The following USP8 variants were observed in gnomAD, a reference collection of about 807,000 sequenced individuals.
USP8 encodes the protein ubiquitin specific peptidase 8.
A neutral mutation model predicts 130.0 loss-of-function variants in USP8; 27 were observed. That is an observed-to-expected ratio of 0.21 (90% CI 0.15 to 0.29). USP8 has a LOEUF of 0.29. USP8 is among the 10% of genes least tolerant of loss of function. The pLI, the probability that USP8 is intolerant of heterozygous loss-of-function variation, is 1.00. For missense variants in USP8, 1,029 were observed against 1,312.2 expected, an observed-to-expected ratio of 0.78 and a Z score of 3.33; for synonymous variants, 392 against 444.1, an observed-to-expected ratio of 0.88 and a Z score of 1.48.
intron 7 of USP8, chr15:50,466,594 CAAA>C (rs559413706): frequency 2.7e-4 from 21 of 76,606 alleles, no homozygotes; most frequent in South Asian, 1.7e-3. Context: ...GACTCTGTCT[CAAA>C]AAAAAAAAAA....
At chr15:50,459,847 T>A (rs754276123) in intron 5 of USP8, among the ~76,000 whole-genome samples, 4 of 152,110 alleles carry the variant, frequency 2.6e-5, no homozygotes, top group Non-Finnish European at 5.9e-5. Context: ...AGACAATTTT[T>A]AAGTTTCTTC....
At chr15:50,483,294 A>G (rs1429367245) in intron 11 of USP8, among the ~76,000 whole-genome samples, 3 of 152,238 alleles carry the variant, frequency 2.0e-5, no homozygotes, top group Admixed American at 2.0e-4. Context: ...TTTAGAACTT[A>G]AATCATTCAT....
chr15:50,429,615 C>G (rs1354432492), intron 1 of USP8, among the ~76,000 whole-genome samples: 1 of 152,088 alleles, frequency 6.6e-6, no homozygotes, highest in Non-Finnish European at 1.5e-5. Flanking sequence ...GCAGGAGGAT[C>G]ACTTGAGCCC....
Position 50,471,696 on chromosome 15 carries a change from G to A in USP8, c.750G>A (p.Arg250=). 2.5e-6 allele frequency: 4 copies of A among 1,614,012 alleles called. No homozygotes were observed. The highest frequency in any genetic ancestry group is 2.2e-5 in the South Asian group (2 of 91,060). The part of the protein sequence containing the change: ...PDDSKDTWKK[R]GNVEYVVLLD... ...ATTCTAAAGACACATGGAAGAAGAG[G>A]GGGAATGTGGAGTATGTGGTACTTC... is the stretch of plus-strand genomic sequence containing the variant. The change falls in exon 8 of 20, where the codon AGG becomes AGA. Residue 250 remains arginine (R), a synonymous_variant. Transcript: ENST00000307179.
rs900136768 is a variant in USP8, at chr15:50,505,579, A to G, written c.*6491A>G. The G allele has an allele frequency of 6.6e-5, 10 of 152,242 alleles. No individual in the cohort carries two copies. Among genetic ancestry groups the G allele is most frequent in the African/African-American group, 2.4e-4 (10 of 41,466 alleles). The allele number at this position is 152,242 out of a possible 1,614,324, so 9.4% of individuals were successfully genotyped here. The stretch of plus-strand genomic sequence containing the variant: ...GATACATAATAGACAGTGATTAACA[A>G]AAAAGACTGATGAAGATCCGGGCAA... On this transcript the variant is annotated 3_prime_UTR_variant, in exon 20 of 20. Coordinates refer to ENST00000307179, the MANE Select transcript of USP8 (RefSeq NM_005154.5).
At position 50,500,830 on chromosome 15, in the gene USP8, A is replaced by G. The variant is rs753369617; in HGVS notation, c.*1742A>G. The G allele has an allele frequency of 4.4e-6, 7 of 1,579,992 alleles. No homozygotes were observed. The highest frequency in any genetic ancestry group is 1.8e-5 in the Admixed American group (1 of 54,592). The stretch of plus-strand genomic sequence containing the variant: ...GTAGTGGCCACCATCCAAATCACCA[A>G]AATGGTTCTATGGGAGAAAGGAATG... On this transcript the variant is annotated 3_prime_UTR_variant, in exon 20 of 20. Coordinates refer to ENST00000307179, the MANE Select transcript of USP8 (RefSeq NM_005154.5).
chr15:50,484,429 C>A, intron 12 of USP8, 68 bp downstream of exon 12: 1 of 1,193,208 alleles, frequency 8.4e-7, no homozygotes, highest in Non-Finnish European at 1.2e-6. Flanking sequence ...ATGTGATTAT[C>A]TTACCACACT....
At chr15:50,428,155 T>A (rs1392603969) in intron 1 of USP8, among the ~76,000 whole-genome samples, 2 of 152,080 alleles carry the variant, frequency 1.3e-5, no homozygotes, top group African/African-American at 4.8e-5. Flanking sequence ...TCTTGCTCTG[T>A]CACCTAGGCT....
At chr15:50,435,346 A>C (rs904444929) in intron 1 of USP8, among the ~76,000 whole-genome samples, 3 of 152,334 alleles carry the variant, frequency 2.0e-5, no homozygotes, top group Non-Finnish European at 4.4e-5. Context: ...TTCCCTAACC[A>C]ATACAATGTA....
At position 50,490,321 on chromosome 15, in the gene USP8, A is replaced by G; in HGVS notation, c.2030A>G (p.His677Arg). 6.2e-7 allele frequency: 1 copy of G among 1,613,460 alleles called. No individual in the cohort carries two copies. Among genetic ancestry groups the G allele is most frequent in the Non-Finnish European group, 8.5e-7 (1 of 1,179,894 alleles). The change falls in exon 14 of 20, where the codon CAT (histidine) becomes CGT (arginine). Residue 677 changes from histidine (H) to arginine (R), a missense_variant. His to Arg is a conservative substitution (Grantham distance 29). Coordinates refer to ENST00000307179, the MANE Select transcript of USP8 (RefSeq NM_005154.5). ...TATCATTCACCCACCAACACTGTTCATATGTACCCACCGGAAATGGCTCCT... is the reference window on the plus strand; with the variant it reads ...TATCATTCACCCACCAACACTGTTCGTATGTACCCACCGGAAATGGCTCCT... Reference protein sequence around the residue: ...RYYHSPTNTVHMYPPEMAPSS... With the variant: ...RYYHSPTNTVRMYPPEMAPSS...
At position 50,499,656 on chromosome 15, in the gene USP8, G is replaced by A. The variant is rs1252317335; in HGVS notation, c.*568G>A. On this transcript the variant is annotated 3_prime_UTR_variant, in exon 20 of 20. Coordinates refer to ENST00000307179, the MANE Select transcript of USP8 (RefSeq NM_005154.5). ...AATGACAGGGCAAAGCAATTTTTCTGTTGGCTTTGGGCTGTATTTGTGCAC... is the reference window on the plus strand; with the variant it reads ...AATGACAGGGCAAAGCAATTTTTCTATTGGCTTTGGGCTGTATTTGTGCAC... 1 of 151,506 alleles carries A rather than the reference G, an allele frequency of 6.6e-6. No individual in the cohort carries two copies. Among genetic ancestry groups the A allele is most frequent in the Non-Finnish European group, 1.5e-5 (1 of 67,860 alleles). The allele number at this position is 151,506 out of a possible 1,614,324, so 9.4% of individuals were successfully genotyped here. A position where few individuals can be genotyped will look rare whatever the true frequency, so the allele number is the denominator to read the frequency against.
chr15:50,494,112 T>C lies in USP8; in HGVS notation c.2490T>C (p.Phe830=). The change falls in exon 16 of 20, where the codon TTT becomes TTC. Residue 830 remains phenylalanine, a synonymous_variant. Coordinates refer to ENST00000307179, the MANE Select transcript of USP8 (RefSeq NM_005154.5). ...LGHKGEVAEE[F]GIIMKALWTG... is the part of the protein sequence containing the mutation. ...ATAAAGGTGAAGTGGCAGAAGAATT[T>C]GGTATAATCATGAAAGCCCTGTGGA... 1.2e-6 allele frequency: 2 copies of C among 1,610,386 alleles called. No homozygotes were observed. Among genetic ancestry groups the C allele is most frequent in the East Asian group, 4.5e-5 (2 of 44,854 alleles).
chr15:50,434,187 T>C (rs11070775), intron 1 of USP8, among the ~76,000 whole-genome samples: 21,910 of 151,800 alleles, frequency 0.14, 2,028 homozygotes, highest in Middle Eastern at 0.28. Context: ...ACTGCAATCT[T>C]CACCTCCTGG....
intron 4 of USP8, among the ~76,000 whole-genome samples, 160 bp downstream of exon 4, chr15:50,449,645 G>A (rs947247626): frequency 2.0e-5 from 3 of 152,164 alleles, no homozygotes; most frequent in African/African-American, 4.8e-5. Flanking sequence ...GCAGTGGCGC[G>A]ATCTCGGCTC....
chr15:50,442,382 T>C (rs551950880), intron 3 of USP8, among the ~76,000 whole-genome samples: 2 of 152,200 alleles, frequency 1.3e-5, no homozygotes, highest in East Asian at 1.9e-4. Context: ...TATAAATGAA[T>C]AGAAAAAATT....
At position 50,489,322 on chromosome 15, in the gene USP8, C is replaced by T. The variant is rs138748971; in HGVS notation, c.1891-479C>T. Among the ~76,000 whole-genome samples the T allele has an allele frequency of 9.0e-4, 137 of 152,190 alleles. 1 individual carries two copies. The Middle Eastern group carries it at 0.037, about 42-fold the overall frequency. ...ATATTCATTTGCTAGGATACTATAA[C>T]GTCTATTCTCTACTTACACCTCTTA... is the stretch of plus-strand genomic sequence containing the variant. On this transcript the variant is annotated intron_variant, in intron 12 of 19. Coordinates refer to ENST00000307179, the MANE Select transcript of USP8 (RefSeq NM_005154.5).
At position 50,503,981 on chromosome 15, in the gene USP8, T is replaced by C. The variant is rs2052624754; in HGVS notation, c.*4893T>C. 1 of 152,082 alleles carries C rather than the reference T, an allele frequency of 6.6e-6. No homozygotes were observed. Among genetic ancestry groups the C allele is most frequent in the Non-Finnish European group, 1.5e-5 (1 of 68,030 alleles). The allele number at this position is 152,082 out of a possible 1,614,324, so 9.4% of individuals were successfully genotyped here. On this transcript the variant is annotated 3_prime_UTR_variant, in exon 20 of 20. Transcript: ENST00000307179. ...TATATTTAGAAGAAGGAAACAAACTTTAGAAACTAAATAGAATTTTCAGAA... is the reference window on the plus strand; with the variant it reads ...TATATTTAGAAGAAGGAAACAAACTCTAGAAACTAAATAGAATTTTCAGAA...
At chr15:50,428,578 A>G (rs1039634459) in intron 1 of USP8, among the ~76,000 whole-genome samples, 4 of 148,874 alleles carry the variant, frequency 2.7e-5, no homozygotes, top group African/African-American at 9.8e-5. Context: ...CTTATAAATT[A>G]GTAACAAGAG....
At chr15:50,498,864 T>C in intron 19 of USP8, 39 bp from the exon 20 acceptor site, 1 of 1,564,814 alleles carries the variant, frequency 6.4e-7, no homozygotes, top group Non-Finnish European at 8.6e-7. Flanking sequence ...ATAACAATTT[T>C]AACTGAATTG....
Sources: gnomAD v4.1 joint callset for allele counts (sites outside exome capture counted in the v4.1 genomes callset) on GRCh38, gnomAD v4.1.1 for gene constraint, MANE v1.5 for transcripts, NCBI Gene and HGNC (gene_info 2026-07-23, HGNC 2026-07-21) for gene names.